SEC24B: variants seen among roughly 807,000 people sequenced by gnomAD.
SEC24B encodes the protein protein transport protein Sec24B.
A neutral mutation model predicts 142.8 loss-of-function variants in SEC24B; 45 were observed. That is an observed-to-expected ratio of 0.32 (90% CI 0.25 to 0.40). SEC24B has a LOEUF of 0.40. Among genes scored for constraint, SEC24B ranks in the 10% least tolerant of loss-of-function variants. The pLI is 1.00. For synonymous variants in SEC24B, 574 were observed against 568.2 expected (o/e 1.01, Z -0.15); for missense variants, 1,409 against 1,526.8 (o/e 0.92, Z 1.29).
Position 109,473,080 on chromosome 4 carries a change from ATCAGGATCC to A in SEC24B, c.967_975del (p.Gly323_Ser325del), listed in dbSNP as rs1561102211. The A allele has an allele frequency of 3.7e-6, 6 of 1,606,784 alleles. No homozygotes were observed. Among genetic ancestry groups the A allele is most frequent in the Non-Finnish European group, 5.1e-6 (6 of 1,176,724 alleles). On this transcript the variant is annotated inframe_deletion, in exon 3 of 24. Transcript: ENST00000265175. ...CCAGCCCAGTGGTATCCACTGTTTT[ATCAGGATCC>A]TCAGGATCCTCATCAACAAGAACAC...
chr4:109,533,182 T>A (rs1163636328), intron 21 of SEC24B, among the ~76,000 whole-genome samples: 1 of 152,090 alleles, frequency 6.6e-6, no homozygotes, highest in African/African-American at 2.4e-5. Flanking sequence ...GGGGTAGTTG[T>A]TGAAGGGAGT....
Position 109,539,768 on chromosome 4 carries a change from TGTTAATACAAGATGCAAC to T in SEC24B, c.*95_*112del, listed in dbSNP as rs1725992150. The T allele has an allele frequency of 1.2e-6, 1 of 800,876 alleles. No homozygotes were observed. Among genetic ancestry groups the T allele is most frequent in the African/African-American group, 1.7e-5 (1 of 57,442 alleles). 49.6% of individuals were successfully genotyped at this position (800,876 alleles called of 1,614,324 possible). A position where few individuals can be genotyped will look rare whatever the true frequency, so the allele number is the denominator to read the frequency against. ...GTGAGAAATTTGAAATGAAGGCATT[TGTTAATACAAGATGCAAC>T]GCACAGCACTCTGTCTGAGGCTTTG... is the stretch of plus-strand genomic sequence containing the variant. On this transcript the variant is annotated 3_prime_UTR_variant, in exon 24 of 24. Coordinates refer to ENST00000265175, the MANE Select transcript of SEC24B (RefSeq NM_006323.5).
chr4:109,474,717 G>A (rs189740427), intron 3 of SEC24B, among the ~76,000 whole-genome samples: 22 of 152,156 alleles, frequency 1.4e-4, no homozygotes, highest in African/African-American at 4.6e-4. Context: ...GAGCCACCAC[G>A]CCCAGCCCCT....
At chr4:109,474,624 C>T (rs1017031151) in intron 3 of SEC24B, among the ~76,000 whole-genome samples, 4 of 152,024 alleles carry the variant, frequency 2.6e-5, no homozygotes, top group African/African-American at 9.7e-5. Flanking sequence ...GGGGTTTTAC[C>T]ATGTTGACCA....
intron 1 of SEC24B, among the ~76,000 whole-genome samples, chr4:109,439,807 T>TA (rs1312273687): frequency 6.6e-6 from 1 of 151,088 alleles, no homozygotes; most frequent in African/African-American, 2.4e-5. Context: ...GGCTCTAAGC[T>TA]GATTGATAGA....
rs561252634 is a variant in SEC24B at position 109,463,733 on chromosome 4, A to G, written c.877+89A>G. ...TATTTACATGAAGGTTAGAGGTGAT[A>G]TTGCCTAATAGAAAAACTGGAAGTT... On this transcript the variant is annotated intron_variant, in intron 2 of 23. Transcript: ENST00000265175. 4,417 of 1,503,840 alleles carry G rather than the reference A, an allele frequency of 2.9e-3. 12 individuals carry two copies. The highest frequency in any genetic ancestry group is 5.2e-3 in the Middle Eastern group (29 of 5,606). 93.2% of individuals were successfully genotyped at this position (1,503,840 alleles called of 1,614,324 possible).
chr4:109,491,431 A>G (rs2126003615), intron 5 of SEC24B, 24 bp downstream of exon 5: 1 of 1,566,192 alleles, frequency 6.4e-7, no homozygotes, highest in Non-Finnish European at 8.8e-7. Context: ...TGCTTGCTTG[A>G]TCTTCATTTT....
chr4:109,482,973 T>C (rs988416279), intron 4 of SEC24B, among the ~76,000 whole-genome samples: 9,366 of 60,768 alleles, frequency 0.15, 1,844 homozygotes, highest in African/African-American at 0.54. Context: ...TATATATATA[T>C]ATATATACAC....
chr4:109,449,414 T>TTTG, intron 1 of SEC24B: 69 of 359,730 alleles, frequency 1.9e-4, no homozygotes, highest in South Asian at 3.0e-4. Flanking sequence ...TTTTTTTTTG[T>TTTG]AGAGACGGGA....
At chr4:109,449,861 A>AT (rs1455682516) in intron 1 of SEC24B, among the ~76,000 whole-genome samples, 2 of 151,906 alleles carry the variant, frequency 1.3e-5, no homozygotes, top group Non-Finnish European at 1.5e-5. Context: ...CTGTGAGGTT[A>AT]TTTTTTCCTT....
intron 1 of SEC24B, among the ~76,000 whole-genome samples, chr4:109,448,894 G>T (rs1578766892): frequency 6.7e-6 from 1 of 149,288 alleles, no homozygotes; most frequent in East Asian, 2.0e-4. Context: ...TAGTTGTCAT[G>T]TCTCATTAGC....
intron 3 of SEC24B, among the ~76,000 whole-genome samples, chr4:109,478,599 C>G (rs148250763): frequency 1.3e-5 from 2 of 152,110 alleles, no homozygotes; most frequent in East Asian, 3.9e-4. Context: ...AAGGACATAC[C>G]AGTAGTTAAG....
chr4:109,454,332 A>T (rs1365576528), intron 1 of SEC24B, among the ~76,000 whole-genome samples: 1 of 151,968 alleles, frequency 6.6e-6, no homozygotes. Flanking sequence ...TGAGCCCAGG[A>T]GTTCAAGACC....
chr4:109,512,909 A>G (rs987801519), intron 9 of SEC24B, among the ~76,000 whole-genome samples: 44 of 143,506 alleles, frequency 3.1e-4, no homozygotes, highest in African/African-American at 1.1e-3. Flanking sequence ...TGATCCATCC[A>G]CCTCAGCCTC....
intron 4 of SEC24B, among the ~76,000 whole-genome samples, chr4:109,484,181 C>G (rs924714796): frequency 1.3e-5 from 2 of 152,196 alleles, no homozygotes; most frequent in Non-Finnish European, 2.9e-5. Flanking sequence ...CCTTTAGTCT[C>G]CAACAGTTCA....
intron 1 of SEC24B, among the ~76,000 whole-genome samples, chr4:109,441,476 G>A (rs1490495556): frequency 6.6e-6 from 1 of 152,166 alleles, no homozygotes; most frequent in African/African-American, 2.4e-5. Flanking sequence ...TGTCACCCAG[G>A]CTGGAGTGCA....
At chr4:109,454,960 A>T (rs1045806275) in intron 1 of SEC24B, among the ~76,000 whole-genome samples, 1 of 152,228 alleles carries the variant, frequency 6.6e-6, no homozygotes, top group Non-Finnish European at 1.5e-5. Flanking sequence ...GTCTGTTCAC[A>T]TTAGATTATA....
At chr4:109,505,914 T>TA (rs1196233963) in intron 6 of SEC24B, among the ~76,000 whole-genome samples, 1 of 152,240 alleles carries the variant, frequency 6.6e-6, no homozygotes, top group East Asian at 1.9e-4. Context: ...ATGATAATAT[T>TA]AAAAACATAG....
At chr4:109,500,818 C>A (rs1042738992) in intron 6 of SEC24B, among the ~76,000 whole-genome samples, 8 of 151,886 alleles carry the variant, frequency 5.3e-5, no homozygotes, top group African/African-American at 1.9e-4. Context: ...AGTACCACGC[C>A]CGGCTAATTT....
Sources: allele counts gnomAD v4.1 joint callset (sites outside exome capture counted in the v4.1 genomes callset), GRCh38; gene constraint gnomAD v4.1.1; transcripts MANE v1.5; gene names NCBI Gene and HGNC (gene_info 2026-07-23, HGNC 2026-07-21).